MEAK7: variants seen among roughly 807,000 people sequenced by gnomAD.
The protein encoded by MEAK7 is MTOR-associated protein MEAK7.
In MEAK7, 68 loss-of-function variants were observed where a neutral mutation model predicts 40.5. That is an observed-to-expected ratio of 1.68 (90% CI 1.38 to 2.06). The LOEUF is 2.06. Ranked by LOEUF, MEAK7 falls within the 30% of genes most tolerant of loss-of-function variation. MEAK7 has a pLI of 0.00. For synonymous variants in MEAK7, 338 were observed against 231.9 expected (o/e 1.46, Z -4.16); for missense variants, 918 against 580.5 (o/e 1.58, Z -5.98).
chr16:84,485,948 C>G, intron 5 of MEAK7: 1 of 152,156 alleles, frequency 6.6e-6, no homozygotes, highest in Non-Finnish European at 1.5e-5. Context: ...TCCCAAAGTG[C>G]TGGGATTACA....
At chr16:84,480,110 G>A in intron 7 of MEAK7, 84 bp from the exon 8 acceptor site, 1 of 1,159,790 alleles carries the variant, frequency 8.6e-7, no homozygotes, top group Non-Finnish European at 1.2e-6. Flanking sequence ...CAGCCTTCTT[G>A]GGTGGAATCA....
chr16:84,493,351 G>A (rs560957738), intron 3 of MEAK7, among the ~76,000 whole-genome samples: 12 of 152,246 alleles, frequency 7.9e-5, no homozygotes, highest in East Asian at 3.9e-4. Flanking sequence ...TATCGGTTCC[G>A]ATAACTTCAG....
At chr16:84,501,287 A>C (rs1914485028) in intron 1 of MEAK7, among the ~76,000 whole-genome samples, 1 of 152,044 alleles carries the variant, frequency 6.6e-6, no homozygotes, top group Non-Finnish European at 1.5e-5. Context: ...GGGCATAAGC[A>C]AGAGCGTTGG....
chr16:84,490,654 A>ATG (rs35489449), intron 3 of MEAK7, among the ~76,000 whole-genome samples: 37,047 of 137,084 alleles, frequency 0.27, 5,626 homozygotes, highest in Middle Eastern at 0.35. Flanking sequence ...GCTAATCAAG[A>ATG]TGTGTGTGTG....
At chr16:84,504,526 C>T in intron 1 of MEAK7, 75 bp downstream of exon 1, 1 of 922,042 alleles carries the variant, frequency 1.1e-6, no homozygotes. Context: ...CTGGACCCGT[C>T]TGCTCCAGTC....
At position 84,503,074 on chromosome 16, in the gene MEAK7, T is replaced by C. The variant is rs867967904; in HGVS notation, c.-26+1527A>G. Among the ~76,000 whole-genome samples, 4 of 152,212 alleles carry C rather than the reference T, an allele frequency of 2.6e-5. No homozygotes were observed. In the South Asian group the frequency reaches 8.3e-4, roughly 31 times the overall value. On this transcript the variant is annotated intron_variant, in intron 1 of 7. Coordinates refer to ENST00000343629, the MANE Select transcript of MEAK7 (RefSeq NM_020947.4). ...CACCATTATCTGTTCACTTGCTATC[T>C]AACCAGGTTTAATGCTTAGGTTAGG...
chr16:84,503,913 C>T (rs981123154), intron 1 of MEAK7: 102 of 984,654 alleles, frequency 1.0e-4, no homozygotes, highest in Non-Finnish European at 1.1e-4. Context: ...ACTCTCTACT[C>T]CAAGGGCCCC....
At chr16:84,480,115 G>C in intron 7 of MEAK7, 89 bp from the exon 8 acceptor site, 2 of 1,096,524 alleles carry the variant, frequency 1.8e-6, no homozygotes, top group Non-Finnish European at 1.3e-6. Flanking sequence ...TTCTTGGGTG[G>C]AATCAGGCTC....
chr16:84,494,375 AT>A (rs1913871548), intron 3 of MEAK7, among the ~76,000 whole-genome samples: 1 of 152,046 alleles, frequency 6.6e-6, no homozygotes. Flanking sequence ...GAACCCTAGA[AT>A]TTTTTCCTGG....
chr16:84,490,333 T>C (rs1772188363), intron 3 of MEAK7, among the ~76,000 whole-genome samples: 1 of 151,338 alleles, frequency 6.6e-6, no homozygotes, highest in African/African-American at 2.4e-5. Flanking sequence ...AAAAAACATT[T>C]TGACTGCCTT....
At chr16:84,495,232 C>T (rs577481327) in intron 3 of MEAK7, among the ~76,000 whole-genome samples, 58 of 152,116 alleles carry the variant, frequency 3.8e-4, no homozygotes, top group Non-Finnish European at 7.8e-4. Flanking sequence ...TCGCGCCACT[C>T]AACTCCAGCC....
In MEAK7 at chr16:84,480,616, G is replaced by C. The variant is rs781200364; in HGVS notation, c.1170C>G (p.Tyr390Ter). The C allele has an allele frequency of 3.1e-6, 5 of 1,614,066 alleles. No homozygotes were observed. Among genetic ancestry groups the C allele is most frequent in the Non-Finnish European group, 4.2e-6 (5 of 1,179,966 alleles). Residue 390 changes from tyrosine to a stop codon, truncating the protein, a stop_gained, in exon 7 of 8, where the codon TAC (tyrosine) becomes TAG (stop). Coordinates refer to ENST00000343629, the MANE Select transcript of MEAK7 (RefSeq NM_020947.4). LOFTEE classifies it high-confidence loss of function. ...HSRAKPTCTT[Y>*]NSPQLSAQEN... ...CCTGAGCCGACAGCTGCGGGCTGTT[G>C]TACGTGGTGCACGTGGGCTTGGCTC...
Position 84,499,142 on chromosome 16 carries a change from G to C in MEAK7, c.-25-1031C>G, listed in dbSNP as rs12596454. 2.0e-5 allele frequency among the ~76,000 whole-genome samples: 3 copies of C among 152,008 alleles called. No homozygotes were observed. The South Asian group carries it at 6.2e-4, about 32-fold the overall frequency. The stretch of plus-strand genomic sequence containing the variant: ...ACTGGCACCAAGAGCAGGTGACCTG[G>C]GGCCTTGTTCACTGTCACAAACCTC... On this transcript the variant is annotated intron_variant, in intron 1 of 7. Transcript: ENST00000343629.
chr16:84,486,854 G>A lies in MEAK7; in HGVS notation c.735C>T (p.Ile245=), dbSNP rs374727674. ...QVDQGRGFES[I]LDVLSVMYIN... is the part of the protein sequence containing the mutation. ...TGTACATGACAGAGAGGACATCCAG[G>A]ATGCTCTCAAAACCCCTGCCCTGGT... The change falls in exon 5 of 8, where the codon ATC becomes ATT. Residue 245 remains isoleucine (I), a synonymous_variant. Coordinates refer to ENST00000343629, the MANE Select transcript of MEAK7 (RefSeq NM_020947.4). The A allele has an allele frequency of 7.1e-5, 114 of 1,614,178 alleles. No individual in the cohort carries two copies. Among genetic ancestry groups the A allele is most frequent in the Admixed American group, 2.7e-4 (16 of 60,028 alleles).
chr16:84,476,854 C>T lies in MEAK7; in HGVS notation c.*3059G>A, dbSNP rs1912133609. 6.6e-6 allele frequency: 1 copy of T among 152,178 alleles called. No homozygotes were observed. The highest frequency in any genetic ancestry group is 2.4e-5 in the African/African-American group (1 of 41,436). 9.4% of individuals were successfully genotyped at this position (152,178 alleles called of 1,614,324 possible). A position where few individuals can be genotyped will look rare whatever the true frequency, so the allele number is the denominator to read the frequency against. On this transcript the variant is annotated 3_prime_UTR_variant, in exon 8 of 8. Coordinates refer to ENST00000343629, the MANE Select transcript of MEAK7 (RefSeq NM_020947.4). Reference sequence around the variant, plus strand: ...GGAGAAGAGGCAGGAAGATGACTGACTTTAAGTTGTATCCTTTTATCTTTT... The same window carrying T: ...GGAGAAGAGGCAGGAAGATGACTGATTTTAAGTTGTATCCTTTTATCTTTT...
In MEAK7 at chr16:84,486,884, T is replaced by C. The variant is rs748398681; in HGVS notation, c.705A>G (p.Gln235=). ...TCTCAAAACCCCTGCCCTGGTCCAC[T>C]TGACGCTCAGGGACCAGGGTAGTCA... ...LDLTTLVPER[Q]VDQGRGFESI... The change falls in exon 5 of 8, where the codon CAA becomes CAG. Residue 235 remains glutamine, a synonymous_variant. Coordinates refer to ENST00000343629, the MANE Select transcript of MEAK7 (RefSeq NM_020947.4). 2.0e-5 allele frequency: 33 copies of C among 1,614,156 alleles called. No individual in the cohort carries two copies. The highest frequency in any genetic ancestry group is 3.3e-5 in the South Asian group (3 of 91,080).
At chr16:84,494,672 A>C in intron 3 of MEAK7, 2 of 357,148 alleles carry the variant, frequency 5.6e-6, no homozygotes, top group Non-Finnish European at 1.1e-5. Flanking sequence ...TTCCTCCCCC[A>C]CTATTTTTTC....
intron 5 of MEAK7, 52 bp downstream of exon 5, chr16:84,486,579 G>A (rs900260561): frequency 2.0e-5 from 31 of 1,531,958 alleles, no homozygotes; most frequent in Non-Finnish European, 2.7e-5. Context: ...TTTCTCCAGA[G>A]CTCTTTGCCC....
chr16:84,499,391 T>G (rs1471033623), intron 1 of MEAK7, among the ~76,000 whole-genome samples: 1 of 152,096 alleles, frequency 6.6e-6, no homozygotes, highest in South Asian at 2.1e-4. Flanking sequence ...GCAGTAAACT[T>G]TCCCCCAAGG....
Sources: allele counts gnomAD v4.1 joint callset (sites outside exome capture counted in the v4.1 genomes callset), GRCh38; gene constraint gnomAD v4.1.1; transcripts MANE v1.5; gene names NCBI Gene and HGNC (gene_info 2026-07-23, HGNC 2026-07-21).